Variants in COL14A1 observed in about 807,000 individuals in gnomAD.
The protein encoded by COL14A1 is collagen type XIV alpha 1 chain.
In COL14A1, 136 loss-of-function variants were observed where a neutral mutation model predicts 230.3. That is an observed-to-expected ratio of 0.59 (90% CI 0.51 to 0.68). The LOEUF is 0.68. Ranked by LOEUF, COL14A1 falls within the 30% of genes least tolerant of loss-of-function variation. The pLI is 0.00. For synonymous variants in COL14A1, 792 were observed against 784.1 expected (o/e 1.01, Z -0.17); for missense variants, 1,976 against 2,215.8 (o/e 0.89, Z 2.17).
intron 4 of COL14A1, among the ~76,000 whole-genome samples, chr8:120,163,545 C>T (rs1307200912): frequency 2.6e-5 from 4 of 152,084 alleles, no homozygotes; most frequent in Non-Finnish European, 4.4e-5. Context: ...GGGCGGATCA[C>T]CTGAGGTCAG....
chr8:120,203,683 ATT>A, intron 8 of COL14A1, 24 bp from the exon 9 acceptor site: 1 of 1,611,178 alleles, frequency 6.2e-7, no homozygotes, highest in Non-Finnish European at 8.5e-7. Flanking sequence ...AAAAGTCACC[ATT>A]CTCTTTTTTG....
chr8:120,233,671 G>A (rs1264545694), intron 19 of COL14A1, among the ~76,000 whole-genome samples: 2 of 151,974 alleles, frequency 1.3e-5, no homozygotes, highest in African/African-American at 2.4e-5. Flanking sequence ...TGTTCCATTG[G>A]TTTATATATC....
intron 36 of COL14A1, among the ~76,000 whole-genome samples, chr8:120,307,229 G>C (rs746172709): frequency 9.9e-5 from 15 of 152,150 alleles, no homozygotes; most frequent in Non-Finnish European, 2.1e-4. Flanking sequence ...GGATGAAAGG[G>C]AAAAGGGGGT....
At chr8:120,130,078 A>G (rs908467588) in intron 1 of COL14A1, among the ~76,000 whole-genome samples, 1 of 152,252 alleles carries the variant, frequency 6.6e-6, no homozygotes, top group East Asian at 1.9e-4. Flanking sequence ...GTGCCCATCC[A>G]CAAACTGTTA....
chr8:120,323,816 G>A (rs1821555427), intron 40 of COL14A1, among the ~76,000 whole-genome samples: 1 of 152,048 alleles, frequency 6.6e-6, no homozygotes, highest in African/African-American at 2.4e-5. Context: ...TTTGGTTATC[G>A]TACCTCTGTA....
intron 45 of COL14A1, among the ~76,000 whole-genome samples, chr8:120,348,573 G>A (rs1223415559): frequency 2.0e-5 from 3 of 151,902 alleles, no homozygotes; most frequent in South Asian, 2.1e-4. Context: ...CTACAAATAG[G>A]GTATAGTGTA....
rs181317042 is a variant in COL14A1 at position 120,342,480 on chromosome 8, A to G, written c.4888+34A>G. On this transcript the variant is annotated intron_variant, in intron 44 of 47. Coordinates refer to ENST00000297848, the MANE Select transcript of COL14A1 (RefSeq NM_021110.4). ...GTAATGGTTACGGAGGATGTTCCCCATAACAAACTCTCATCCAAAAGAGAG... is the reference window on the plus strand; with the variant it reads ...GTAATGGTTACGGAGGATGTTCCCCGTAACAAACTCTCATCCAAAAGAGAG... The G allele has an allele frequency of 4.5e-5, 71 of 1,593,148 alleles. No individual in the cohort carries two copies. The East Asian group carries it at 6.0e-4, about 14-fold the overall frequency.
At position 120,283,625 on chromosome 8, in the gene COL14A1, T is replaced by C. The variant is rs536165585; in HGVS notation, c.3825-11T>C. 3 of 1,583,346 alleles carry C rather than the reference T, an allele frequency of 1.9e-6. No individual in the cohort carries two copies. The African/African-American group carries it at 4.1e-5, about 22-fold the overall frequency. On this transcript the variant is annotated splice_polypyrimidine_tract_variant and intron_variant, in intron 31 of 47. Transcript: ENST00000297848. ...GGATACAATGAAACATGGTTTTCTT[T>C]CTATGTTCAGGTACTTGCACCCAGA...
In COL14A1 at chr8:120,278,435, G is replaced by A. The variant is rs756268661; in HGVS notation, c.3338G>A (p.Gly1113Glu). ...AAACTGTTGCCTTTCTTTGTTTCAG[G>A]AAAAGCAATTAAGTATGTTCGAGAT... is the stretch of plus-strand genomic sequence containing the variant. Reference protein sequence around the residue: ...ISYKGGNTKTGKAIKYVRDTL... With the variant: ...ISYKGGNTKTEKAIKYVRDTL... Residue 1113 changes from glycine to glutamate, a missense_variant and splice_region_variant, in exon 28 of 48, where the codon GGA (glycine) becomes GAA (glutamate). Coordinates refer to ENST00000297848, the MANE Select transcript of COL14A1 (RefSeq NM_021110.4). The A allele has an allele frequency of 6.2e-7, 1 of 1,607,214 alleles. No homozygotes were observed. The highest frequency in any genetic ancestry group is 8.5e-7 in the Non-Finnish European group (1 of 1,177,430).
At chr8:120,314,938 C>G (rs1821163938) in intron 38 of COL14A1, among the ~76,000 whole-genome samples, 1 of 152,190 alleles carries the variant, frequency 6.6e-6, no homozygotes, top group South Asian at 2.1e-4. Context: ...CTGAAATGTT[C>G]AAGCCGCCCT....
At chr8:120,274,349 A>G (rs1253719532) in intron 26 of COL14A1, among the ~76,000 whole-genome samples, 1 of 151,782 alleles carries the variant, frequency 6.6e-6, no homozygotes, top group Non-Finnish European at 1.5e-5. Context: ...TGCTATATAT[A>G]GCAACCTCAC....
chr8:120,157,506 C>T (rs568805158), intron 2 of COL14A1, among the ~76,000 whole-genome samples: 43 of 152,262 alleles, frequency 2.8e-4, no homozygotes, highest in Middle Eastern at 3.4e-3. Context: ...ATAATGAAAG[C>T]ATTTTACAAA....
chr8:120,180,701 CTTTTT>C (rs34377563), intron 5 of COL14A1, among the ~76,000 whole-genome samples: 1 of 83,538 alleles, frequency 1.2e-5, no homozygotes, highest in Non-Finnish European at 2.1e-5. Flanking sequence ...GGTAGGAAGC[CTTTTT>C]TTTTTTTTTT....
chr8:120,128,238 T>G (rs879737770), intron 1 of COL14A1, among the ~76,000 whole-genome samples: 8 of 148,604 alleles, frequency 5.4e-5, no homozygotes, highest in African/African-American at 2.1e-4. Flanking sequence ...CGTGTGTGTG[T>G]GTGTGTGTGT....
intron 34 of COL14A1, among the ~76,000 whole-genome samples, chr8:120,290,295 A>C (rs1820333859): frequency 6.6e-6 from 1 of 152,190 alleles, no homozygotes; most frequent in African/African-American, 2.4e-5. Flanking sequence ...ATTGAGTAAC[A>C]TACCATTCTA....
At chr8:120,164,579 T>C (rs1417496226) in intron 4 of COL14A1, among the ~76,000 whole-genome samples, 1 of 152,242 alleles carries the variant, frequency 6.6e-6, no homozygotes, top group East Asian at 1.9e-4. Context: ...AAACACAACT[T>C]GGTTAAGTTA....
chr8:120,171,867 T>C (rs12545031), intron 5 of COL14A1, among the ~76,000 whole-genome samples: 51,560 of 152,048 alleles, frequency 0.34, 9,561 homozygotes, highest in Admixed American at 0.48. Flanking sequence ...TTAATAGTAA[T>C]ATTTTGTACC....
At chr8:120,323,600 A>T (rs192918575) in intron 40 of COL14A1, among the ~76,000 whole-genome samples, 1 of 152,198 alleles carries the variant, frequency 6.6e-6, no homozygotes, top group East Asian at 1.9e-4. Context: ...TGTATATGGT[A>T]TAAGGAAGGG....
chr8:120,161,366 A>G (rs970346818), intron 3 of COL14A1, among the ~76,000 whole-genome samples: 1 of 152,216 alleles, frequency 6.6e-6, no homozygotes, highest in East Asian at 1.9e-4. Flanking sequence ...TTAGAGAAGA[A>G]AAGTAAAATT....
Sources: allele counts gnomAD v4.1 joint callset (sites outside exome capture counted in the v4.1 genomes callset), GRCh38; gene constraint gnomAD v4.1.1; transcripts MANE v1.5; gene names NCBI Gene and HGNC (gene_info 2026-07-23, HGNC 2026-07-21).